Variants in CLIC5 observed in about 807,000 individuals in gnomAD.
The protein encoded by CLIC5 is CLIC family member 5.
A neutral mutation model predicts 24.7 loss-of-function variants in CLIC5; 20 were observed. The ratio of observed to expected loss-of-function variants is 0.81; its 90% CI spans 0.57 to 1.18. The LOEUF (loss-of-function observed/expected upper bound fraction) is 1.18. Ranked by LOEUF, CLIC5 falls within the 50% of genes most tolerant of loss-of-function variation. The probability of loss-of-function intolerance (pLI) is 0.00; values close to 1 mark genes in which losing one functional copy is unlikely to be tolerated. For missense variants in CLIC5, 341 were observed against 326.1 expected (o/e 1.05, Z -0.35); for synonymous variants, 159 against 135.6 (o/e 1.17, Z -1.20).
chr6:45,882,902 A>G (rs984879318), intron 6 of CLIC5, among the ~76,000 whole-genome samples: 1 of 152,224 alleles, frequency 6.6e-6, no homozygotes, highest in Non-Finnish European at 1.5e-5. Context: ...CTAGAAGAGT[A>G]TTGAAAAGAC....
At position 46,076,260 on chromosome 6, in the gene CLIC5, A is replaced by G. The variant is rs547817082; in HGVS notation, c.540+3443T>C. On this transcript the variant is annotated intron_variant, in intron 1 of 5. Coordinates refer to the CLIC5 transcript ENST00000185206. ...TCCCTGGCTCACCCACTGCAGCCAC[A>G]CTACTGCCTCGCGCCTACTTACCGT... Among the ~76,000 whole-genome samples the G allele has an allele frequency of 6.6e-5, 10 of 152,300 alleles. No homozygotes were observed. The South Asian group carries it at 2.1e-3, about 32-fold the overall frequency.
chr6:46,053,685 T>G (rs1768166726), intron 1 of CLIC5, among the ~76,000 whole-genome samples: 1 of 152,234 alleles, frequency 6.6e-6, no homozygotes, highest in African/African-American at 2.4e-5. Context: ...CAGTCTGTGC[T>G]TCTTAGCAAA....
At chr6:45,985,518 AGCTGGGTTGGAAAT>A (rs1471280090) in intron 1 of CLIC5, among the ~76,000 whole-genome samples, 3 of 152,074 alleles carry the variant, frequency 2.0e-5, no homozygotes, top group Admixed American at 6.5e-5. Context: ...CTTTCTTAGC[AGCTGGGTTGGAAAT>A]GCTTCTGTGT....
chr6:45,983,089 A>G (rs1378598961), intron 1 of CLIC5, among the ~76,000 whole-genome samples: 9 of 152,186 alleles, frequency 5.9e-5, no homozygotes, highest in Non-Finnish European at 5.9e-5. Context: ...AAAACAAAGG[A>G]GGTGGGCTTC....
rs368704000 is a variant in CLIC5, at chr6:45,903,132, C to T, written c.712G>A (p.Glu238Lys). ...TNTCAADSEI[E>K]LAYADVAKRL... ...TTGGCGACATCAGCGTAGGCCAACT[C>T]GATCTCACTGTCAGCTGCACAGGTG... Residue 238 changes from glutamate (E) to lysine (K), a missense_variant, in exon 6 of 6, where the codon GAG (glutamate) becomes AAG (lysine). Transcript: ENST00000339561. 18 of 1,614,054 alleles carry T rather than the reference C, an allele frequency of 1.1e-5. No individual in the cohort carries two copies. The highest frequency in any genetic ancestry group is 3.3e-5 in the South Asian group (3 of 91,074).
chr6:45,977,664 G>A (rs1363300634), intron 1 of CLIC5, among the ~76,000 whole-genome samples: 5 of 151,966 alleles, frequency 3.3e-5, no homozygotes, highest in South Asian at 2.1e-4. Flanking sequence ...TAGGCAAACA[G>A]CTTGCCCACC....
chr6:45,930,668 A>G (rs1763700354), intron 4 of CLIC5, among the ~76,000 whole-genome samples: 2 of 152,204 alleles, frequency 1.3e-5, no homozygotes, highest in South Asian at 4.1e-4. Flanking sequence ...TGCCCAGTCC[A>G]AAGGGTGGAC....
intron 1 of CLIC5, among the ~76,000 whole-genome samples, chr6:45,990,373 A>G (rs1244579786): frequency 6.6e-6 from 1 of 152,208 alleles, no homozygotes; most frequent in Non-Finnish European, 1.5e-5. Flanking sequence ...AACTGCCTGA[A>G]CGAAACAAAG....
At chr6:45,934,372 C>A (rs975963853) in intron 4 of CLIC5, 1 of 151,784 alleles carries the variant, frequency 6.6e-6, no homozygotes, top group Non-Finnish European at 1.5e-5. Context: ...AGAAAGAAGG[C>A]CCCCCAAGAC....
At chr6:46,020,046 A>G (rs71566555), upstream of CLIC5, among the ~76,000 whole-genome samples, 854 of 152,264 alleles carry the variant, frequency 5.6e-3, 2 homozygotes, top group Middle Eastern at 0.01. Context: ...TATAGAATAT[A>G]GAAGACCTAA....
intron 1 of CLIC5, among the ~76,000 whole-genome samples, chr6:46,026,889 A>G (rs1349724848): frequency 6.6e-6 from 1 of 152,198 alleles, no homozygotes; most frequent in Admixed American, 6.5e-5. Context: ...TCTAAGTTTG[A>G]ATAACCAGAA....
intron 5 of CLIC5, among the ~76,000 whole-genome samples, chr6:45,905,666 C>T (rs1329633382): frequency 6.6e-6 from 1 of 151,900 alleles, no homozygotes; most frequent in Non-Finnish European, 1.5e-5. Context: ...TACTTCCTCC[C>T]ATTCTGTGGG....
At chr6:45,980,786 T>A (rs1379763489) in intron 1 of CLIC5, among the ~76,000 whole-genome samples, 1 of 152,126 alleles carries the variant, frequency 6.6e-6, no homozygotes. Flanking sequence ...AAAATATTTT[T>A]CAAAGTAATT....
At chr6:45,927,086 T>C (rs1763528766) in intron 4 of CLIC5, among the ~76,000 whole-genome samples, 1 of 152,182 alleles carries the variant, frequency 6.6e-6, no homozygotes, top group African/African-American at 2.4e-5. Flanking sequence ...GACGTGCCCG[T>C]GGCTCTGATG....
At chr6:46,060,042 G>GT (rs1409643191) in intron 1 of CLIC5, among the ~76,000 whole-genome samples, 1 of 152,124 alleles carries the variant, frequency 6.6e-6, no homozygotes, top group Non-Finnish European at 1.5e-5. Context: ...TGAATATGTA[G>GT]TTTTCCCAGC....
chr6:46,089,663 C>T, the CLIC5 span, among the ~76,000 whole-genome samples: 2 of 152,126 alleles, frequency 1.3e-5, no homozygotes, highest in Admixed American at 6.5e-5. Flanking sequence ...TGGCAGATTA[C>T]ACAGGTGTGT....
intron 1 of CLIC5, among the ~76,000 whole-genome samples, chr6:46,031,937 T>TAC (rs140743439): frequency 0.025 from 3,447 of 138,620 alleles, 119 homozygotes; most frequent in African/African-American, 0.071. Flanking sequence ...TATATATATA[T>TAC]ATACACACAC....
chr6:46,032,398 A>T (rs528591883), intron 1 of CLIC5, among the ~76,000 whole-genome samples: 1 of 152,376 alleles, frequency 6.6e-6, no homozygotes, highest in South Asian at 2.1e-4. Context: ...AACCGTATCA[A>T]GTGGTTATTT....
intron 1 of CLIC5, among the ~76,000 whole-genome samples, chr6:46,055,891 GAGAC>G (rs1768234416): frequency 6.6e-6 from 1 of 152,194 alleles, no homozygotes; most frequent in African/African-American, 2.4e-5. Context: ...GCCAAACACA[GAGAC>G]AGAAAGTAAA....
Sources: allele counts gnomAD v4.1 joint callset (sites outside exome capture counted in the v4.1 genomes callset), GRCh38; gene constraint gnomAD v4.1.1; transcripts MANE v1.5; gene names NCBI Gene and HGNC (gene_info 2026-07-23, HGNC 2026-07-21).